Variants in SH3D19 observed in about 807,000 individuals in gnomAD.
SH3D19 encodes the protein SH3 domain containing 19.
Under a neutral mutation model 112.1 loss-of-function variants are expected in SH3D19, and 58 were observed. The observed-to-expected ratio is 0.52, with a 90% confidence interval of 0.42 to 0.64. The LOEUF (loss-of-function observed/expected upper bound fraction) is 0.64, where lower values mean the gene tolerates loss of function less well. Ranked by LOEUF, SH3D19 falls within the 30% of genes least tolerant of loss-of-function variation. The pLI, the probability that SH3D19 is intolerant of heterozygous loss-of-function variation, is 0.00. For missense variants in SH3D19, 1,090 were observed against 1,263.4 expected (o/e 0.86, Z 2.08); for synonymous variants, 391 against 448.5 (o/e 0.87, Z 1.62).
At chr4:151,188,649 A>G (rs754073263) in intron 2 of SH3D19, among the ~76,000 whole-genome samples, 5 of 152,212 alleles carry the variant, frequency 3.3e-5, no homozygotes, top group Non-Finnish European at 5.9e-5. Flanking sequence ...ATACATCACA[A>G]TCTCCTTGCT....
intron 12 of SH3D19, chr4:151,140,474 A>G (rs1752790038): frequency 6.6e-6 from 1 of 152,256 alleles, no homozygotes; most frequent in South Asian, 2.1e-4. Context: ...GTAGTTCTAA[A>G]TAAATTAGCA....
intron 2 of SH3D19, among the ~76,000 whole-genome samples, chr4:151,210,484 C>T (rs1318484340): frequency 3.3e-5 from 5 of 150,734 alleles, no homozygotes; most frequent in Non-Finnish European, 7.4e-5. Context: ...TTACTGCAAG[C>T]TCCGCCTCCT....
At chr4:151,126,684 A>G (rs1025355047) in intron 19 of SH3D19, among the ~76,000 whole-genome samples, 10 of 130,396 alleles carry the variant, frequency 7.7e-5, no homozygotes, top group African/African-American at 2.5e-4. Context: ...CTGTAGTCCC[A>G]GCTACTCGGG....
intron 2 of SH3D19, among the ~76,000 whole-genome samples, chr4:151,194,374 T>C (rs997798729): frequency 3.3e-5 from 5 of 151,318 alleles, no homozygotes; most frequent in African/African-American, 1.2e-4. Flanking sequence ...GTAAAAGGCA[T>C]AAAAAGGATA....
chr4:151,153,536 C>T (rs529663352), intron 9 of SH3D19, among the ~76,000 whole-genome samples: 8 of 152,228 alleles, frequency 5.3e-5, no homozygotes, highest in African/African-American at 1.4e-4. Flanking sequence ...CATGAGCCAC[C>T]GTGCCTGGCC....
chr4:151,248,845 C>T (rs1771143876), intron 1 of SH3D19, among the ~76,000 whole-genome samples: 1 of 152,162 alleles, frequency 6.6e-6, no homozygotes, highest in African/African-American at 2.4e-5. Flanking sequence ...AAACAACGCA[C>T]TTCAATGGAA....
At chr4:151,229,781 G>A (rs1414382717) in intron 1 of SH3D19, among the ~76,000 whole-genome samples, 1 of 152,164 alleles carries the variant, frequency 6.6e-6, no homozygotes, top group Non-Finnish European at 1.5e-5. Flanking sequence ...TGGACGTGGT[G>A]GTGCACGCCT....
intron 2 of SH3D19, among the ~76,000 whole-genome samples, chr4:151,215,349 C>T (rs187311098): frequency 3.3e-5 from 5 of 152,362 alleles, no homozygotes; most frequent in Non-Finnish European, 7.3e-5. Context: ...GTCCGCCTGT[C>T]ATTCCTTGAT....
intron 11 of SH3D19, among the ~76,000 whole-genome samples, chr4:151,147,619 G>A (rs563913417): frequency 2.9e-4 from 44 of 152,210 alleles, no homozygotes; most frequent in Non-Finnish European, 4.7e-4. Context: ...GTGCCATCAC[G>A]CCTGGGTAAT....
chr4:151,250,337 T>C (rs374953945), intron 1 of SH3D19, among the ~76,000 whole-genome samples: 6 of 152,252 alleles, frequency 3.9e-5, no homozygotes, highest in Non-Finnish European at 7.4e-5. Context: ...CATAGTGGCA[T>C]GGAAGGACTT....
At chr4:151,133,588 G>C (rs763702286) in intron 15 of SH3D19, among the ~76,000 whole-genome samples, 2 of 152,122 alleles carry the variant, frequency 1.3e-5, no homozygotes, top group Non-Finnish European at 2.9e-5. Flanking sequence ...TAAATGCACT[G>C]AGTTGAGGAG....
intron 16 of SH3D19, among the ~76,000 whole-genome samples, 174 bp downstream of exon 16, chr4:151,132,858 CTT>C (rs916153044): frequency 6.6e-6 from 1 of 152,198 alleles, no homozygotes; most frequent in Non-Finnish European, 1.5e-5. Flanking sequence ...AAAACCAGCT[CTT>C]TGAGAGATGC....
chr4:151,249,835 T>C (rs1185835178), intron 1 of SH3D19, among the ~76,000 whole-genome samples: 4 of 152,238 alleles, frequency 2.6e-5, no homozygotes, highest in Non-Finnish European at 4.4e-5. Flanking sequence ...AAATTAAATT[T>C]TGGAGAAATA....
chr4:151,176,952 G>A lies in SH3D19; in HGVS notation c.240C>T (p.Arg80=), dbSNP rs1760041187. 1 of 1,232,064 alleles carries A rather than the reference G, an allele frequency of 8.1e-7. No homozygotes were observed. Among genetic ancestry groups the A allele is most frequent in the Admixed American group, 4.2e-5 (1 of 23,700 alleles). The allele number at this position is 1,232,064 out of a possible 1,614,324, so 76.3% of individuals were successfully genotyped here. A position where few individuals can be genotyped will look rare whatever the true frequency, so the allele number is the denominator to read the frequency against. Residue 80 remains arginine, a synonymous_variant, in exon 5 of 20, where the codon CGC becomes CGT. Transcript: ENST00000604030. ...CAGCTGCCACAATGGTGATCTCTGG[G>A]CGCCTAGTGGACAGAAGCCTCAGTG... ...IQSELHRDRR[R]PEITIVAAEP...
chr4:151,230,721 C>T (rs557604404), intron 1 of SH3D19, among the ~76,000 whole-genome samples: 2 of 151,710 alleles, frequency 1.3e-5, no homozygotes, highest in African/African-American at 2.4e-5. Flanking sequence ...GCTGGGACTA[C>T]AGGTGCATGC....
At chr4:151,274,443 G>A (rs964108289) in intron 1 of SH3D19, among the ~76,000 whole-genome samples, 16 of 152,170 alleles carry the variant, frequency 1.1e-4, no homozygotes, top group African/African-American at 3.6e-4. Flanking sequence ...TTAATCCATG[G>A]CCATGAACCT....
chr4:151,236,383 G>GGAGTGC (rs1271520545), intron 1 of SH3D19, among the ~76,000 whole-genome samples: 3 of 152,286 alleles, frequency 2.0e-5, no homozygotes, highest in African/African-American at 7.2e-5. Flanking sequence ...CTGGGCTGCC[G>GGAGTGC]GAGTGCCCGG....
intron 3 of SH3D19, among the ~76,000 whole-genome samples, chr4:151,181,174 G>C (rs1247275233): frequency 6.6e-6 from 1 of 152,152 alleles, no homozygotes; most frequent in Non-Finnish European, 1.5e-5. Flanking sequence ...ATTTGTTTCA[G>C]ATATAAACTA....
intron 1 of SH3D19, among the ~76,000 whole-genome samples, chr4:151,274,351 T>A (rs1773433398): frequency 6.6e-6 from 1 of 152,186 alleles, no homozygotes; most frequent in South Asian, 2.1e-4. Flanking sequence ...CCTGCCACAA[T>A]AGCCCCTGCA....
Sources: allele counts gnomAD v4.1 joint callset (sites outside exome capture counted in the v4.1 genomes callset), GRCh38; gene constraint gnomAD v4.1.1; transcripts MANE v1.5; gene names NCBI Gene and HGNC (gene_info 2026-07-23, HGNC 2026-07-21).